The following C16orf46 variants were observed in gnomAD, a reference collection of about 807,000 sequenced individuals.
C16orf46 encodes uncharacterized protein C16orf46.
Under a neutral mutation model 5.5 loss-of-function variants are expected in C16orf46, and 7 were observed. That is an observed-to-expected ratio of 1.28 (90% CI 0.73 to 2.40). The LOEUF is 2.40. Ranked by LOEUF, C16orf46 falls within the 30% of genes most tolerant of loss-of-function variation. The probability of loss-of-function intolerance (pLI) is 0.00; values close to 1 mark genes in which losing one functional copy is unlikely to be tolerated. For synonymous variants in C16orf46, 200 were observed against 184.1 expected (o/e 1.09, Z -0.70); for missense variants, 614 against 476.0 (o/e 1.29, Z -2.70).
chr16:81,059,952 C>G (rs1971415223), downstream of C16orf46, among the ~76,000 whole-genome samples: 1 of 151,868 alleles, frequency 6.6e-6, no homozygotes, highest in East Asian at 1.9e-4. Context: ...CCACGCCCGG[C>G]TAATTTTTTG....
In C16orf46 at chr16:81,061,656, G is replaced by T; in HGVS notation, c.693C>A (p.Asn231Lys). The change falls in exon 4 of 4, where the codon AAC becomes AAA. Residue 231 changes from asparagine to lysine, a missense_variant. Asn to Lys is a moderately conservative substitution (Grantham distance 94, BLOSUM62 0). Coordinates refer to ENST00000299578, the MANE Select transcript of C16orf46 (RefSeq NM_152337.3). ...CCTTCTCTTCTGACTGCAAGAAAGAGTTCTTACTCTTCTTACCCAGAACAT... is the reference window on the plus strand; with the variant it reads ...CCTTCTCTTCTGACTGCAAGAAAGATTTCTTACTCTTCTTACCCAGAACAT... ...ALDVLGKKSK[N>K]SFLQSEEKVL... 6.2e-7 allele frequency: 1 copy of T among 1,614,182 alleles called. No homozygotes were observed. The highest frequency in any genetic ancestry group is 8.5e-7 in the Non-Finnish European group (1 of 1,180,036).
At chr16:81,067,698 G>A (rs529361277) in intron 1 of C16orf46, among the ~76,000 whole-genome samples, 26 of 152,176 alleles carry the variant, frequency 1.7e-4, no homozygotes, top group Admixed American at 1.6e-3. Flanking sequence ...GATTACAGGC[G>A]TGCGCTACCA....
At chr16:81,058,876 C>G (rs1401906017), downstream of C16orf46, among the ~76,000 whole-genome samples, 1 of 152,138 alleles carries the variant, frequency 6.6e-6, no homozygotes, top group Non-Finnish European at 1.5e-5. Context: ...ACGTCCCCGA[C>G]CTGTGAAATA....
downstream of C16orf46, among the ~76,000 whole-genome samples, chr16:81,056,989 G>A (rs923424369): frequency 3.9e-5 from 6 of 152,092 alleles, no homozygotes; most frequent in Non-Finnish European, 7.4e-5. Context: ...TGCCCTAAAG[G>A]GGCATTTGGG....
chr16:81,067,234 C>A (rs1159818562), intron 1 of C16orf46, among the ~76,000 whole-genome samples: 1 of 152,148 alleles, frequency 6.6e-6, no homozygotes, highest in Non-Finnish European at 1.5e-5. Context: ...AATGATCAGC[C>A]AAAGAAATGT....
chr16:81,073,483 G>A (rs890398295), intron 1 of C16orf46, among the ~76,000 whole-genome samples: 2 of 152,150 alleles, frequency 1.3e-5, no homozygotes, highest in Non-Finnish European at 2.9e-5. Context: ...CTCCCCTCAA[G>A]ATTTCCCACC....
At chr16:81,055,842 C>T (rs1465476573) in intron 3 of C16orf46, among the ~76,000 whole-genome samples, 1 of 152,188 alleles carries the variant, frequency 6.6e-6, no homozygotes, top group Non-Finnish European at 1.5e-5. Context: ...TGCCTAATCC[C>T]AAGTAGCTGG....
chr16:81,057,675 G>GGTTGTTGTTGTT (rs58235937), downstream of C16orf46, among the ~76,000 whole-genome samples: 4 of 151,364 alleles, frequency 2.6e-5, no homozygotes, highest in African/African-American at 4.9e-5. Context: ...AGTTCATTTA[G>GGTTGTTGTTGTT]GTTGTTGTTG....
chr16:81,060,084 G>C (rs1005689226), downstream of C16orf46, among the ~76,000 whole-genome samples: 21 of 151,940 alleles, frequency 1.4e-4, no homozygotes, highest in Non-Finnish European at 2.9e-4. Flanking sequence ...CACGGCGCCC[G>C]GCCCCAAAAA....
intron 1 of C16orf46, among the ~76,000 whole-genome samples, chr16:81,069,413 G>A (rs1014138084): frequency 3.9e-5 from 6 of 152,170 alleles, no homozygotes; most frequent in South Asian, 2.1e-4. Context: ...TGCCTGCGTC[G>A]TTGGAAACCA....
intron 1 of C16orf46, among the ~76,000 whole-genome samples, chr16:81,066,609 G>C (rs1409429817): frequency 6.6e-6 from 1 of 152,226 alleles, no homozygotes; most frequent in Non-Finnish European, 1.5e-5. Context: ...AAAGAAAAGA[G>C]TGGATATGTG....
chr16:81,074,704 C>A (rs1971968368), intron 1 of C16orf46, among the ~76,000 whole-genome samples: 1 of 152,108 alleles, frequency 6.6e-6, no homozygotes, highest in Admixed American at 6.5e-5. Flanking sequence ...TCTTGATTAA[C>A]ACTGAGCTTG....
At chr16:81,067,460 CA>C (rs2151754003) in intron 1 of C16orf46, among the ~76,000 whole-genome samples, 1 of 152,248 alleles carries the variant, frequency 6.6e-6, no homozygotes, top group South Asian at 2.1e-4. Flanking sequence ...CGGAGAGCTC[CA>C]AGAAATGAAA....
rs867649181 is a variant in C16orf46 at position 81,061,072 on chromosome 16, G to A, written c.*89C>T. The A allele has an allele frequency of 9.6e-6, 14 of 1,459,234 alleles. No individual in the cohort carries two copies. In the Middle Eastern group the frequency reaches 6.7e-4, roughly 70 times the overall value. The allele number at this position is 1,459,234 out of a possible 1,614,324, so 90.4% of individuals were successfully genotyped here. A position where few individuals can be genotyped will look rare whatever the true frequency, so the allele number is the denominator to read the frequency against. On this transcript the variant is annotated 3_prime_UTR_variant, in exon 4 of 4. Coordinates refer to ENST00000299578, the MANE Select transcript of C16orf46 (RefSeq NM_152337.3). ...GACGGGGAGGAGAGAAAGAGAGAGT[G>A]GGGGGTGGGTGGGAAATGAGAGAGA... is the stretch of plus-strand genomic sequence containing the variant.
In C16orf46 at chr16:81,061,730, CCCTGGAAGTCAGGGGG is replaced by C; in HGVS notation, c.603_618del (p.Leu203SerfsTer2). 1 of 1,613,996 alleles carries C rather than the reference CCCTGGAAGTCAGGGGG, an allele frequency of 6.2e-7. No homozygotes were observed. The highest frequency in any genetic ancestry group is 8.5e-7 in the Non-Finnish European group (1 of 1,180,034). ...TTCAGGGGAGGCAGAACTAGGAGGG[CCCTGGAAGTCAGGGGG>C]CCTGGGATGGACAGCCCTCTGTGGG... is the stretch of plus-strand genomic sequence containing the variant. On this transcript the variant is annotated frameshift_variant, in exon 4 of 4. Coordinates refer to ENST00000299578, the MANE Select transcript of C16orf46 (RefSeq NM_152337.3). LOFTEE classifies it low-confidence loss of function (END_TRUNC).
exon 4 of C16orf46, chr16:81,053,936 C>T: frequency 3.3e-6 from 3 of 896,922 alleles, no homozygotes; most frequent in Non-Finnish European, 5.3e-6. Flanking sequence ...CTTCTTACTG[C>T]TTCTGCTTGC....
At chr16:81,064,362 CA>C (rs113685280) in intron 2 of C16orf46, among the ~76,000 whole-genome samples, 24 of 139,322 alleles carry the variant, frequency 1.7e-4, no homozygotes, top group South Asian at 4.5e-4. Context: ...GATTACATCT[CA>C]AAAAAAAAAA....
At chr16:81,064,476 G>A (rs1971589629) in intron 2 of C16orf46, among the ~76,000 whole-genome samples, 1 of 152,098 alleles carries the variant, frequency 6.6e-6, no homozygotes, top group African/African-American at 2.4e-5. Context: ...AGCCAGGAGT[G>A]ATGGCTCACA....
At chr16:81,057,524 G>A (rs1300144586), downstream of C16orf46, among the ~76,000 whole-genome samples, 4 of 125,960 alleles carry the variant, frequency 3.2e-5, no homozygotes, top group Non-Finnish European at 6.6e-5. Context: ...GGCCCACAGA[G>A]GAAGACTCTG....
Sources: gnomAD v4.1 joint callset for allele counts (sites outside exome capture counted in the v4.1 genomes callset) on GRCh38, gnomAD v4.1.1 for gene constraint, MANE v1.5 for transcripts, NCBI Gene and HGNC (gene_info 2026-07-23, HGNC 2026-07-21) for gene names.